Variants in RUNX2 observed in about 807,000 individuals in gnomAD.
The protein encoded by RUNX2 is runt-related transcription factor 2.
In RUNX2, 10 loss-of-function variants were observed where a neutral mutation model predicts 51.7. That is an observed-to-expected ratio of 0.19 (90% CI 0.12 to 0.33). RUNX2 has a LOEUF of 0.33. Among genes scored for constraint, RUNX2 ranks in the 10% least tolerant of loss-of-function variants. RUNX2 has a pLI of 1.00. For synonymous variants in RUNX2, 276 were observed against 273.6 expected, an observed-to-expected ratio of 1.01 and a Z score of -0.09; for missense variants, 562 against 691.3, an observed-to-expected ratio of 0.81 and a Z score of 2.10.
intron 2 of RUNX2, among the ~76,000 whole-genome samples, chr6:45,412,776 G>A (rs191287394): frequency 6.6e-4 from 100 of 151,156 alleles, no homozygotes; most frequent in African/African-American, 2.0e-3. Flanking sequence ...ACGGAGTCTC[G>A]CTCTGTCATC....
intron 7 of RUNX2, among the ~76,000 whole-genome samples, chr6:45,538,094 A>G (rs1234324775): frequency 6.6e-6 from 1 of 152,154 alleles, no homozygotes; most frequent in Non-Finnish European, 1.5e-5. Context: ...ATGCCTTCCT[A>G]TCAGTTAGGC....
intron 5 of RUNX2, among the ~76,000 whole-genome samples, chr6:45,448,858 CA>C (rs1441741551): frequency 2.0e-5 from 3 of 152,204 alleles, no homozygotes; most frequent in East Asian, 3.9e-4. Flanking sequence ...ATGGGCCCTT[CA>C]AGGAGATGAT....
intron 7 of RUNX2, among the ~76,000 whole-genome samples, chr6:45,525,206 C>A (rs570848271): frequency 1.9e-4 from 29 of 152,252 alleles, no homozygotes; most frequent in African/African-American, 6.7e-4. Flanking sequence ...TGTTCTCTAA[C>A]CTTAGAAATT....
At chr6:45,371,114 T>C (rs1215671305) in intron 2 of RUNX2, among the ~76,000 whole-genome samples, 2 of 152,170 alleles carry the variant, frequency 1.3e-5, no homozygotes, top group Non-Finnish European at 2.9e-5. Flanking sequence ...TGGCAGCAAT[T>C]ATACTCCTAA....
intron 2 of RUNX2, among the ~76,000 whole-genome samples, chr6:45,409,346 A>G (rs906570549): frequency 1.9e-4 from 29 of 152,132 alleles, no homozygotes; most frequent in African/African-American, 7.0e-4. Context: ...TCACTATAAA[A>G]CCTTCCATTC....
At chr6:45,439,798 C>T (rs991701311) in intron 5 of RUNX2, among the ~76,000 whole-genome samples, 10 of 151,992 alleles carry the variant, frequency 6.6e-5, no homozygotes, top group African/African-American at 1.5e-4. Context: ...CTGTTCTGAA[C>T]GATATGACAA....
intron 5 of RUNX2, among the ~76,000 whole-genome samples, chr6:45,481,377 T>A (rs1800108556): frequency 6.6e-6 from 1 of 152,184 alleles, no homozygotes; most frequent in African/African-American, 2.4e-5. Flanking sequence ...AATCTTTGCA[T>A]CTCTCAGTGG....
chr6:45,528,203 A>C (rs1359320047), intron 7 of RUNX2, among the ~76,000 whole-genome samples: 1 of 152,194 alleles, frequency 6.6e-6, no homozygotes, highest in Non-Finnish European at 1.5e-5. Context: ...CATGGGGATT[A>C]TGAAAGCTAT....
At chr6:45,410,511 A>T (rs1797927307) in intron 2 of RUNX2, among the ~76,000 whole-genome samples, 1 of 152,256 alleles carries the variant, frequency 6.6e-6, no homozygotes, top group Non-Finnish European at 1.5e-5. Flanking sequence ...TATTGATCAC[A>T]TGCTACATGC....
intron 7 of RUNX2, among the ~76,000 whole-genome samples, chr6:45,518,311 C>A (rs574501075): frequency 2.0e-5 from 3 of 152,262 alleles, no homozygotes; most frequent in African/African-American, 4.8e-5. Context: ...ATTGAATGTT[C>A]CGTATTCTTC....
intron 5 of RUNX2, among the ~76,000 whole-genome samples, chr6:45,445,099 A>G (rs1212813963): frequency 1.3e-5 from 2 of 152,086 alleles, no homozygotes; most frequent in African/African-American, 2.4e-5. Flanking sequence ...ATCTCGGCTC[A>G]CTGCAACCTC....
intron 5 of RUNX2, among the ~76,000 whole-genome samples, chr6:45,463,109 C>G (rs188755373): frequency 2.0e-5 from 3 of 152,302 alleles, no homozygotes; most frequent in Admixed American, 2.0e-4. Context: ...AAATATTGAT[C>G]AATGACTTTT....
chr6:45,344,753 C>A (rs1790504244), intron 2 of RUNX2, among the ~76,000 whole-genome samples: 1 of 152,008 alleles, frequency 6.6e-6, no homozygotes, highest in African/African-American at 2.4e-5. Flanking sequence ...GGTGAGTCTG[C>A]CTTTAAGACA....
intron 5 of RUNX2, among the ~76,000 whole-genome samples, chr6:45,479,225 T>C (rs1800042623): frequency 1.3e-5 from 2 of 152,210 alleles, no homozygotes; most frequent in Admixed American, 6.5e-5. Flanking sequence ...GATAATATTC[T>C]TTCAGGGATT....
intron 2 of RUNX2, among the ~76,000 whole-genome samples, chr6:45,350,933 C>G (rs1376788337): frequency 6.6e-6 from 1 of 152,170 alleles, no homozygotes; most frequent in Non-Finnish European, 1.5e-5. Flanking sequence ...CACCTCAGCT[C>G]TACCTCGTGT....
At position 45,334,563 on chromosome 6, in the gene RUNX2, T is replaced by C. The variant is rs1788171119; in HGVS notation, c.58+5779T>C. Among the ~76,000 whole-genome samples, 3 of 150,192 alleles carry C rather than the reference T, an allele frequency of 2.0e-5. No individual in the cohort carries two copies. In the South Asian group the frequency reaches 6.3e-4, roughly 31 times the overall value. Reference sequence around the variant, plus strand: ...TCTTTCTTTAGAAATATCAGAATAATAACGTGATATTCCACAGAACTTCAC... The same window carrying C: ...TCTTTCTTTAGAAATATCAGAATAACAACGTGATATTCCACAGAACTTCAC... On this transcript the variant is annotated intron_variant, in intron 2 of 8. Transcript: ENST00000647337.
intron 3 of RUNX2, among the ~76,000 whole-genome samples, chr6:45,428,232 A>C (rs1314780601): frequency 2.0e-5 from 3 of 152,170 alleles, no homozygotes; most frequent in Non-Finnish European, 4.4e-5. Flanking sequence ...GTACAGATGA[A>C]ATGTGTAAAA....
chr6:45,342,927 G>A (rs1790110438), intron 2 of RUNX2, among the ~76,000 whole-genome samples: 1 of 152,078 alleles, frequency 6.6e-6, no homozygotes, highest in Admixed American at 6.6e-5. Context: ...GGACAGCAGG[G>A]GTTTTGGTGT....
At chr6:45,400,117 A>AGGAGGGAGGGAAGGAAGGAG in intron 2 of RUNX2, among the ~76,000 whole-genome samples, 1 of 117,710 alleles carries the variant, frequency 8.5e-6, no homozygotes, top group Non-Finnish European at 1.7e-5. Context: ...GAAGGAAAGG[A>AGGAGGGAGGGAAGGAAGGAG]GGAGGGAGGG....
Sources: allele counts gnomAD v4.1 joint callset (sites outside exome capture counted in the v4.1 genomes callset), GRCh38; gene constraint gnomAD v4.1.1; transcripts MANE v1.5; gene names NCBI Gene and HGNC (gene_info 2026-07-23, HGNC 2026-07-21).